The following PDE7B variants were observed in gnomAD, a reference collection of about 807,000 sequenced individuals.
The protein encoded by PDE7B is phosphodiesterase 7B.
Under a neutral mutation model 56.2 loss-of-function variants are expected in PDE7B, and 29 were observed. That is an observed-to-expected ratio of 0.52 (90% CI 0.38 to 0.70). PDE7B has a LOEUF of 0.70. Ranked by LOEUF, PDE7B falls within the 30% of genes least tolerant of loss-of-function variation. The probability of loss-of-function intolerance (pLI) is 0.00; values close to 1 mark genes in which losing one functional copy is unlikely to be tolerated. For synonymous variants in PDE7B, 197 were observed against 196.9 expected, an observed-to-expected ratio of 1.00 and a Z score of 0.00; for missense variants, 490 against 565.0, an observed-to-expected ratio of 0.87 and a Z score of 1.35.
chr6:136,166,686 C>A (rs1271481333), intron 8 of PDE7B, among the ~76,000 whole-genome samples: 1 of 152,094 alleles, frequency 6.6e-6, no homozygotes, highest in East Asian at 1.9e-4. Flanking sequence ...ACTCATAATC[C>A]AATCCCCTCC....
rs149150288 is a variant in PDE7B, at chr6:135,939,997, G to C, written c.22-7467G>C. Among the ~76,000 whole-genome samples, 16 of 152,212 alleles carry C rather than the reference G, an allele frequency of 1.1e-4. No homozygotes were observed. In the East Asian group the frequency reaches 2.7e-3, roughly 26 times the overall value. ...GCTAGAGTAATTCATTAAGCATCCT[G>C]GTTCTTCGAAAGCAAACCAAGCCTC... On this transcript the variant is annotated intron_variant, in intron 1 of 12. Coordinates refer to ENST00000308191, the MANE Select transcript of PDE7B (RefSeq NM_018945.4).
At chr6:136,019,071 C>A (rs1583831473) in intron 2 of PDE7B, among the ~76,000 whole-genome samples, 1 of 152,050 alleles carries the variant, frequency 6.6e-6, no homozygotes, top group Non-Finnish European at 1.5e-5. Flanking sequence ...AGACAATATG[C>A]AAATTACTAA....
At chr6:136,167,436 A>T (rs977300267) in intron 8 of PDE7B, among the ~76,000 whole-genome samples, 1 of 151,948 alleles carries the variant, frequency 6.6e-6, no homozygotes, top group Admixed American at 6.6e-5. Flanking sequence ...ACAAGATCTG[A>T]TGGTTTCATA....
At chr6:136,174,994 AAGG>A (rs914768973) in intron 9 of PDE7B, among the ~76,000 whole-genome samples, 70 of 152,306 alleles carry the variant, frequency 4.6e-4, no homozygotes, top group African/African-American at 1.6e-3. Flanking sequence ...AGGAAGAAAG[AAGG>A]AGAAGGAAAG....
chr6:136,069,661 TA>T (rs1777011559), intron 2 of PDE7B, among the ~76,000 whole-genome samples: 1 of 152,232 alleles, frequency 6.6e-6, no homozygotes, highest in South Asian at 2.1e-4. Flanking sequence ...TCAGCTTTTT[TA>T]AACACTTAGT....
chr6:136,046,915 T>A (rs1038496865), intron 2 of PDE7B, among the ~76,000 whole-genome samples: 1 of 152,182 alleles, frequency 6.6e-6, no homozygotes, highest in Non-Finnish European at 1.5e-5. Context: ...TCAGCTCCCT[T>A]CTTTTCTTCT....
chr6:135,909,699 AT>A (rs1447139666), intron 1 of PDE7B, among the ~76,000 whole-genome samples: 1 of 152,118 alleles, frequency 6.6e-6, no homozygotes, highest in Non-Finnish European at 1.5e-5. Flanking sequence ...TTTTAATTTT[AT>A]TTTATATTTC....
At chr6:136,011,434 T>C (rs1172357847) in intron 2 of PDE7B, among the ~76,000 whole-genome samples, 1 of 152,266 alleles carries the variant, frequency 6.6e-6, no homozygotes, top group Non-Finnish European at 1.5e-5. Flanking sequence ...TATTGGATCA[T>C]ATAGCCAAAG....
intron 7 of PDE7B, 32 bp from the exon 8 acceptor site, chr6:136,155,595 C>G: frequency 6.3e-7 from 1 of 1,578,924 alleles, no homozygotes; most frequent in Non-Finnish European, 8.6e-7. Flanking sequence ...TGAAAATACA[C>G]CAATCAATCT....
chr6:136,182,224 G>A (rs1367129851), intron 11 of PDE7B, among the ~76,000 whole-genome samples: 3 of 152,184 alleles, frequency 2.0e-5, no homozygotes, highest in South Asian at 2.1e-4. Flanking sequence ...GAGCTCATGT[G>A]GGGCCAGAAG....
intron 5 of PDE7B, among the ~76,000 whole-genome samples, chr6:136,150,725 G>A (rs1562506527): frequency 1.3e-5 from 2 of 152,194 alleles, no homozygotes; most frequent in Non-Finnish European, 2.9e-5. Flanking sequence ...ATAGGAAGAA[G>A]AATAGGCTGT....
intron 1 of PDE7B, among the ~76,000 whole-genome samples, chr6:135,898,095 T>C (rs765727478): frequency 1.4e-4 from 21 of 152,210 alleles, no homozygotes; most frequent in Non-Finnish European, 2.5e-4. Flanking sequence ...TGGTCACTCA[T>C]AGCTGGAAGA....
intron 1 of PDE7B, among the ~76,000 whole-genome samples, chr6:135,857,760 C>T (rs143664975): frequency 1.4e-4 from 21 of 152,138 alleles, no homozygotes; most frequent in Non-Finnish European, 7.4e-5. Flanking sequence ...ACCATACAGT[C>T]ATGTAAAAGA....
chr6:135,994,116 C>CTGTG (rs3220309), intron 2 of PDE7B, among the ~76,000 whole-genome samples: 6,530 of 138,558 alleles, frequency 0.047, 174 homozygotes, highest in African/African-American at 0.055. Context: ...TGTATTGGAT[C>CTGTG]TGTGTGTGTG....
chr6:136,026,154 C>T (rs1252563540), intron 2 of PDE7B, among the ~76,000 whole-genome samples: 3 of 152,072 alleles, frequency 2.0e-5, no homozygotes, highest in Non-Finnish European at 4.4e-5. Flanking sequence ...CATTGCTAGC[C>T]CCTTTTCGTA....
chr6:136,168,152 A>G (rs183816646), intron 8 of PDE7B, among the ~76,000 whole-genome samples: 3 of 152,318 alleles, frequency 2.0e-5, no homozygotes, highest in Admixed American at 1.3e-4. Flanking sequence ...ACCATCATAT[A>G]TTAATAATTT....
rs115836368 is a variant in PDE7B, at chr6:135,912,262, T to C, written c.22-35202T>C. Among the ~76,000 whole-genome samples, 699 of 152,020 alleles carry C rather than the reference T, an allele frequency of 4.6e-3. 8 individuals carry two copies. Among genetic ancestry groups the C allele is most frequent in the African/African-American group, 0.015 (619 of 41,436 alleles). On this transcript the variant is annotated intron_variant, in intron 1 of 12. Coordinates refer to ENST00000308191, the MANE Select transcript of PDE7B (RefSeq NM_018945.4). The stretch of plus-strand genomic sequence containing the variant: ...GGTTCCACATCAGCAGATTCAACCA[T>C]GGCAAAATGAAAATATTAGAAAAAA...
chr6:135,898,961 G>A (rs1775949276), intron 1 of PDE7B, among the ~76,000 whole-genome samples: 1 of 152,122 alleles, frequency 6.6e-6, no homozygotes, highest in African/African-American at 2.4e-5. Flanking sequence ...ATCCCCATGT[G>A]TTGAGGGGGG....
At chr6:136,148,967 C>T (rs767243606) in intron 4 of PDE7B, 120 bp from the exon 5 acceptor site, 23 of 688,326 alleles carry the variant, frequency 3.3e-5, no homozygotes, top group Non-Finnish European at 5.5e-5. Flanking sequence ...TTCATTTGCA[C>T]TAGATGGTAG....
Sources: allele counts gnomAD v4.1 joint callset (sites outside exome capture counted in the v4.1 genomes callset), GRCh38; gene constraint gnomAD v4.1.1; transcripts MANE v1.5; gene names NCBI Gene and HGNC (gene_info 2026-07-23, HGNC 2026-07-21).